STARD13: variants seen among roughly 807,000 people sequenced by gnomAD.
STARD13 encodes stAR-related lipid transfer protein 13.
Under a neutral mutation model 106.4 loss-of-function variants are expected in STARD13, and 62 were observed. The ratio of observed to expected loss-of-function variants is 0.58; its 90% confidence interval spans 0.48 to 0.72. The LOEUF (loss-of-function observed/expected upper bound fraction) is 0.72. STARD13 is among the 30% of genes least tolerant of loss of function. The probability of loss-of-function intolerance (pLI) is 0.00; values close to 1 mark genes in which losing one functional copy is unlikely to be tolerated. For missense variants in STARD13, 1,387 were observed against 1,424.0 expected, an observed-to-expected ratio of 0.97 and a Z score of 0.42; for synonymous variants, 565 against 553.0, an observed-to-expected ratio of 1.02 and a Z score of -0.31.
At chr13:33,452,674 C>A in the STARD13 span, among the ~76,000 whole-genome samples, 12 of 152,096 alleles carry the variant, frequency 7.9e-5, no homozygotes, top group African/African-American at 2.9e-4. Flanking sequence ...AATTTAGATT[C>A]CTTACATATA....
the STARD13 span, among the ~76,000 whole-genome samples, chr13:33,451,499 G>A: frequency 1.8e-3 from 267 of 152,218 alleles, 2 homozygotes; most frequent in African/African-American, 6.3e-3. Flanking sequence ...TTCAGGTTTT[G>A]GCTGAGCACC....
At chr13:33,571,212 G>A in the STARD13 span, among the ~76,000 whole-genome samples, 2 of 152,090 alleles carry the variant, frequency 1.3e-5, no homozygotes, top group African/African-American at 2.4e-5. Context: ...TCAATTGTTC[G>A]AGAATAACAA....
At chr13:33,155,805 G>A (rs951868284) in intron 3 of STARD13, among the ~76,000 whole-genome samples, 4 of 152,080 alleles carry the variant, frequency 2.6e-5, no homozygotes, top group Non-Finnish European at 2.9e-5. Context: ...ATGATTACTT[G>A]CAGGAAGCTA....
chr13:33,335,923 T>C (rs1311618003), intron 1 of STARD13, among the ~76,000 whole-genome samples: 1 of 152,250 alleles, frequency 6.6e-6, no homozygotes, highest in Non-Finnish European at 1.5e-5. Flanking sequence ...GTGCCAGGAA[T>C]ACAACAGAGT....
the STARD13 span, among the ~76,000 whole-genome samples, chr13:33,389,112 C>A: frequency 6.6e-6 from 1 of 151,316 alleles, no homozygotes; most frequent in South Asian, 2.1e-4. Context: ...CCAACCACCA[C>A]GTCTGGCTAA....
chr13:33,142,298 G>A lies in STARD13; in HGVS notation c.387+12C>T. The A allele has an allele frequency of 6.2e-7, 1 of 1,609,664 alleles. No individual in the cohort carries two copies. Among genetic ancestry groups the A allele is most frequent in the South Asian group, 1.1e-5 (1 of 90,978 alleles). ...GGCATAGCCACATTCTTATTAAGGT[G>A]TGGGCACCTACCTTTTTCCTTTGGA... On this transcript the variant is annotated intron_variant, in intron 4 of 13. Transcript: ENST00000336934.
the STARD13 span, among the ~76,000 whole-genome samples, chr13:33,482,364 T>G: frequency 1.6e-3 from 242 of 152,332 alleles, no homozygotes; most frequent in African/African-American, 5.4e-3. Flanking sequence ...TTTAAACAGT[T>G]TTAACAGTTT....
chr13:33,277,233 AT>A (rs1210027382), intron 1 of STARD13: 1 of 151,848 alleles, frequency 6.6e-6, no homozygotes, highest in Admixed American at 6.6e-5. Flanking sequence ...GAGTTTTTGG[AT>A]GTTGTGTGAT....
At chr13:33,581,953 G>T in the STARD13 span, among the ~76,000 whole-genome samples, 2 of 152,116 alleles carry the variant, frequency 1.3e-5, no homozygotes, top group African/African-American at 4.8e-5. Context: ...GAAAATGGTG[G>T]CTCATGCCTG....
the STARD13 span, among the ~76,000 whole-genome samples, chr13:33,459,168 G>T: frequency 6.6e-6 from 1 of 152,042 alleles, no homozygotes; most frequent in South Asian, 2.1e-4. Context: ...CTATATCCAT[G>T]AAACTACCAC....
the STARD13 span, among the ~76,000 whole-genome samples, chr13:33,526,741 T>C: frequency 1.3e-5 from 2 of 152,058 alleles, no homozygotes; most frequent in African/African-American, 2.4e-5. Flanking sequence ...AAGGAGTTTA[T>C]AAGGGTAAAG....
intron 1 of STARD13, among the ~76,000 whole-genome samples, chr13:33,218,398 G>A (rs770045860): frequency 2.0e-5 from 3 of 152,130 alleles, no homozygotes; most frequent in East Asian, 1.9e-4. Flanking sequence ...GGTGGTCTCC[G>A]TGCTCCTGTC....
At chr13:33,264,911 T>C (rs1890823381) in intron 1 of STARD13, among the ~76,000 whole-genome samples, 1 of 152,088 alleles carries the variant, frequency 6.6e-6, no homozygotes, top group African/African-American at 2.4e-5. Context: ...TGAAGAGAAA[T>C]AAAAGTGGCC....
the STARD13 span, among the ~76,000 whole-genome samples, chr13:33,555,697 A>G: frequency 6.6e-6 from 1 of 152,216 alleles, no homozygotes; most frequent in East Asian, 1.9e-4. Flanking sequence ...CCTGCTAGAC[A>G]CTAGTTAAGT....
chr13:33,398,871 C>T, the STARD13 span, among the ~76,000 whole-genome samples: 29,924 of 152,052 alleles, frequency 0.2, 4,209 homozygotes, highest in East Asian at 0.47. Flanking sequence ...ATAATGACTA[C>T]ATAACTCACA....
chr13:33,542,598 C>G, the STARD13 span, among the ~76,000 whole-genome samples: 2 of 152,228 alleles, frequency 1.3e-5, no homozygotes, highest in African/African-American at 4.8e-5. Context: ...CGCGCACCAG[C>G]AACCAGGGCC....
At chr13:33,128,280 T>C (rs1355362081) in intron 5 of STARD13, among the ~76,000 whole-genome samples, 1 of 152,166 alleles carries the variant, frequency 6.6e-6, no homozygotes, top group East Asian at 1.9e-4. Context: ...CTTCCATGTG[T>C]CTACACTCTA....
At chr13:33,176,014 AC>A (rs1261156267) in intron 1 of STARD13, among the ~76,000 whole-genome samples, 1 of 152,064 alleles carries the variant, frequency 6.6e-6, no homozygotes, top group Admixed American at 6.6e-5. Flanking sequence ...GGATAAAGTC[AC>A]TCCAATACTT....
the STARD13 span, among the ~76,000 whole-genome samples, chr13:33,454,685 A>G: frequency 3.3e-5 from 5 of 152,198 alleles, no homozygotes; most frequent in Admixed American, 1.3e-4. Context: ...GCTTATCCTA[A>G]GAATATAGAG....
Sources: allele counts gnomAD v4.1 joint callset (sites outside exome capture counted in the v4.1 genomes callset), GRCh38; gene constraint gnomAD v4.1.1; transcripts MANE v1.5; gene names NCBI Gene and HGNC (gene_info 2026-07-23, HGNC 2026-07-21).